FAM20B: variants seen among roughly 807,000 people sequenced by gnomAD.
The protein encoded by FAM20B is glycosaminoglycan xylosylkinase.
Under a neutral mutation model 43.8 loss-of-function variants are expected in FAM20B, and 23 were observed. That is an observed-to-expected ratio of 0.53 (90% CI 0.38 to 0.74). FAM20B has a LOEUF of 0.74. Ranked by LOEUF, FAM20B falls within the 30% of genes least tolerant of loss-of-function variation. The probability of loss-of-function intolerance (pLI) is 0.00; values close to 1 mark genes in which losing one functional copy is unlikely to be tolerated. For synonymous variants in FAM20B, 178 were observed against 192.4 expected, an observed-to-expected ratio of 0.93 and a Z score of 0.62; for missense variants, 440 against 510.5, an observed-to-expected ratio of 0.86 and a Z score of 1.33.
Position 179,072,040 on chromosome 1 carries a change from G to A in FAM20B, c.1126G>A (p.Asp376Asn), listed in dbSNP as rs1651946692. 1 of 1,614,044 alleles carries A rather than the reference G, an allele frequency of 6.2e-7. No individual in the cohort carries two copies. Among genetic ancestry groups the A allele is most frequent in the Admixed American group, 1.7e-5 (1 of 59,998 alleles). ...CTCTGATCCTCATCTGGACGCCGTGGACCAGCGGCTCCTGAGTGTCCTGGC... is the reference window on the plus strand; with the variant it reads ...CTCTGATCCTCATCTGGACGCCGTGAACCAGCGGCTCCTGAGTGTCCTGGC... Reference protein sequence around the residue: ...VLSDPHLDAVDQRLLSVLATV... With the variant: ...VLSDPHLDAVNQRLLSVLATV... Residue 376 changes from aspartate to asparagine, a missense_variant, in exon 8 of 8, where the codon GAC (aspartate) becomes AAC (asparagine). Asp to Asn is a conservative substitution (Grantham distance 23, BLOSUM62 1). Coordinates refer to ENST00000263733, the MANE Select transcript of FAM20B (RefSeq NM_014864.4).
At chr1:179,029,632 A>G (rs1481830624) in intron 1 of FAM20B, among the ~76,000 whole-genome samples, 1 of 152,196 alleles carries the variant, frequency 6.6e-6, no homozygotes, top group Non-Finnish European at 1.5e-5. Flanking sequence ...ACCCCTTTAG[A>G]GAAGAGGGTG....
At chr1:179,022,469 C>T (rs1253258606), upstream of FAM20B, among the ~76,000 whole-genome samples, 3 of 152,056 alleles carry the variant, frequency 2.0e-5, no homozygotes, top group Admixed American at 1.3e-4. Flanking sequence ...TGTGCGCGCG[C>T]GCGTGTATGC....
rs1557883340 is a variant in FAM20B, at chr1:179,075,438, G to A, written c.*3294G>A. 1.3e-5 allele frequency: 2 copies of A among 152,548 alleles called. No homozygotes were observed. Among genetic ancestry groups the A allele is most frequent in the Non-Finnish European group, 2.9e-5 (2 of 67,994 alleles). The allele number at this position is 152,548 out of a possible 1,614,324, so 9.4% of individuals were successfully genotyped here. A position where few individuals can be genotyped will look rare whatever the true frequency, so the allele number is the denominator to read the frequency against. ...TTAAAACATGTTTATTCTAAAGTTC[G>A]AATGGATAAATTTGAGTATAAAGGT... On this transcript the variant is annotated 3_prime_UTR_variant, in exon 8 of 8. Transcript: ENST00000263733.
chr1:179,034,455 G>A (rs1039858130), intron 1 of FAM20B, among the ~76,000 whole-genome samples: 1 of 151,540 alleles, frequency 6.6e-6, no homozygotes, highest in Non-Finnish European at 1.5e-5. Context: ...GGCTGGTCTC[G>A]AATTCCTGGG....
chr1:179,042,980 C>G (rs1650606765), intron 1 of FAM20B, among the ~76,000 whole-genome samples: 1 of 152,202 alleles, frequency 6.6e-6, no homozygotes, highest in African/African-American at 2.4e-5. Flanking sequence ...CCAGAACCGA[C>G]AGCCCAGCCC....
intron 3 of FAM20B, among the ~76,000 whole-genome samples, chr1:179,054,120 T>A (rs1277587768): frequency 6.6e-6 from 1 of 151,932 alleles, no homozygotes; most frequent in Non-Finnish European, 1.5e-5. Context: ...TTTTTTTTTT[T>A]AACCAACATG....
intron 2 of FAM20B, among the ~76,000 whole-genome samples, chr1:179,047,557 C>G (rs1333421641): frequency 6.6e-6 from 1 of 152,240 alleles, no homozygotes; most frequent in South Asian, 2.1e-4. Context: ...CAACAGGGCA[C>G]TCTCTTCTCC....
intron 4 of FAM20B, among the ~76,000 whole-genome samples, chr1:179,062,241 C>T (rs765771254): frequency 1.7e-4 from 26 of 152,152 alleles, no homozygotes; most frequent in Non-Finnish European, 3.2e-4. Context: ...TCATTACTTC[C>T]TGGGTGTCAT....
At chr1:179,055,509 A>G (rs1283156520) in intron 4 of FAM20B, among the ~76,000 whole-genome samples, 2 of 152,224 alleles carry the variant, frequency 1.3e-5, no homozygotes, top group Non-Finnish European at 2.9e-5. Flanking sequence ...GGCTTGGGCT[A>G]TACTTTTCTT....
intron 6 of FAM20B, among the ~76,000 whole-genome samples, chr1:179,065,274 C>T (rs1170968323): frequency 6.6e-6 from 1 of 152,054 alleles, no homozygotes; most frequent in East Asian, 1.9e-4. Context: ...CCTCAGCCTC[C>T]TGAGTAGCTG....
chr1:179,047,875 G>T (rs1650845611), intron 2 of FAM20B, among the ~76,000 whole-genome samples: 1 of 152,174 alleles, frequency 6.6e-6, no homozygotes, highest in Non-Finnish European at 1.5e-5. Context: ...GAATTTTGCT[G>T]CTCTGTCAGT....
chr1:179,041,498 A>G (rs1482862894), intron 1 of FAM20B, among the ~76,000 whole-genome samples: 1 of 152,346 alleles, frequency 6.6e-6, no homozygotes, highest in Non-Finnish European at 1.5e-5. Context: ...CACCAAAAAA[A>G]TACGAAAACC....
chr1:179,069,869 A>C (rs1651842077), intron 7 of FAM20B, among the ~76,000 whole-genome samples: 1 of 152,188 alleles, frequency 6.6e-6, no homozygotes, highest in African/African-American at 2.4e-5. Context: ...ATTGCTGCAC[A>C]ACAGGCTGCC....
chr1:179,069,233 C>T (rs1392393808), intron 7 of FAM20B, among the ~76,000 whole-genome samples: 1 of 152,190 alleles, frequency 6.6e-6, no homozygotes, highest in Non-Finnish European at 1.5e-5. Flanking sequence ...CCCAACACCA[C>T]CATTGACCCA....
At chr1:179,022,758 G>T (rs964154010), upstream of FAM20B, among the ~76,000 whole-genome samples, 5 of 152,180 alleles carry the variant, frequency 3.3e-5, no homozygotes, top group African/African-American at 1.2e-4. Flanking sequence ...TACAGAAGAC[G>T]CAGATGTCAA....
intron 1 of FAM20B, among the ~76,000 whole-genome samples, chr1:179,028,407 C>A (rs1649878762): frequency 6.6e-6 from 1 of 152,182 alleles, no homozygotes; most frequent in African/African-American, 2.4e-5. Context: ...CATGGTGAAA[C>A]CCCGTCTCTA....
At chr1:179,055,230 G>A (rs1044902043) in intron 4 of FAM20B, among the ~76,000 whole-genome samples, 2 of 152,184 alleles carry the variant, frequency 1.3e-5, no homozygotes, top group Non-Finnish European at 2.9e-5. Flanking sequence ...AGAGATCTGA[G>A]CTAAAATTCT....
At chr1:179,033,822 A>G (rs949211654) in intron 1 of FAM20B, among the ~76,000 whole-genome samples, 4 of 151,984 alleles carry the variant, frequency 2.6e-5, no homozygotes, top group African/African-American at 9.7e-5. Context: ...CCTCTCAAGT[A>G]GCTGGGACTA....
chr1:179,052,974 ATTG>A (rs1651067148), intron 3 of FAM20B, among the ~76,000 whole-genome samples: 1 of 152,166 alleles, frequency 6.6e-6, no homozygotes, highest in African/African-American at 2.4e-5. Context: ...TTGTTATTTC[ATTG>A]TTATTTTGTA....
Sources: allele counts gnomAD v4.1 joint callset (sites outside exome capture counted in the v4.1 genomes callset), GRCh38; gene constraint gnomAD v4.1.1; transcripts MANE v1.5; gene names NCBI Gene and HGNC (gene_info 2026-07-23, HGNC 2026-07-21).